The following MYO16 variants were observed in gnomAD, a reference collection of about 807,000 sequenced individuals.
The protein encoded by MYO16 is unconventional myosin-XVI.
Under a neutral mutation model 205.3 loss-of-function variants are expected in MYO16, and 94 were observed. The ratio of observed to expected loss-of-function variants is 0.46; its 90% CI spans 0.39 to 0.54. The LOEUF is 0.54. MYO16 is among the 20% of genes least tolerant of loss of function. The pLI is 0.00. For synonymous variants in MYO16, 988 were observed against 954.0 expected (o/e 1.04, Z -0.66); for missense variants, 2,315 against 2,387.5 (o/e 0.97, Z 0.63).
At chr13:108,607,332 A>C (rs1878996335) in intron 1 of MYO16, among the ~76,000 whole-genome samples, 1 of 152,152 alleles carries the variant, frequency 6.6e-6, no homozygotes, top group African/African-American at 2.4e-5. Context: ...CTCATCTTGA[A>C]TTTTAACCTG....
intron 34 of MYO16, among the ~76,000 whole-genome samples, chr13:109,184,081 G>C (rs1411576647): frequency 6.6e-6 from 1 of 152,090 alleles, no homozygotes; most frequent in Non-Finnish European, 1.5e-5. Flanking sequence ...TTGTGTGTTA[G>C]ATAAAATAAT....
Position 109,055,504 on chromosome 13 carries a change from G to A in MYO16, c.3244G>A (p.Ala1082Thr), listed in dbSNP as rs1422492183. 9 of 1,613,070 alleles carry A rather than the reference G, an allele frequency of 5.6e-6. No homozygotes were observed. The highest frequency in any genetic ancestry group is 1.1e-5 in the South Asian group (1 of 91,058). The change falls in exon 27 of 35, where the codon GCT (alanine) becomes ACT (threonine). Residue 1082 changes from alanine to threonine, a missense_variant. Coordinates refer to ENST00000457511, the MANE Select transcript of MYO16 (RefSeq NM_001198950.3). This position sits in a 1 kb window ranked among gnomAD's most constrained non-coding sequence, Gnocchi z 5.0. ...TACTTTTGATAATTTTTACGTGTCT[G>A]CTCAGCTACAATATATTGGGGTCCT... is the stretch of plus-strand genomic sequence containing the variant. ...PDTFDNFYVS[A>T]QLQYIGVLEM... is the part of the protein sequence containing the mutation.
intron 16 of MYO16, among the ~76,000 whole-genome samples, chr13:108,955,599 A>T (rs568951094): frequency 6.6e-6 from 1 of 152,296 alleles, no homozygotes; most frequent in African/African-American, 2.4e-5. Context: ...TCATGCCTGT[A>T]AACCCAGCAT....
intron 9 of MYO16, 131 bp from the exon 10 acceptor site, chr13:108,844,212 C>T (rs1253379494): frequency 9.1e-5 from 55 of 606,950 alleles, no homozygotes; most frequent in South Asian, 5.5e-4. Context: ...AATTTTTTTC[C>T]TGCAGTTTAT....
At chr13:109,189,825 T>A (rs991160436) in intron 34 of MYO16, among the ~76,000 whole-genome samples, 1 of 152,210 alleles carries the variant, frequency 6.6e-6, no homozygotes, top group African/African-American at 2.4e-5. Flanking sequence ...TCATTTAGAG[T>A]AGGCCCAAGA....
chr13:109,168,794 A>T (rs1190949771), intron 33 of MYO16, among the ~76,000 whole-genome samples: 1 of 152,210 alleles, frequency 6.6e-6, no homozygotes, highest in African/African-American at 2.4e-5. Flanking sequence ...ATAAATTAAA[A>T]AGCAAAATAT....
chr13:108,532,350 A>G, the MYO16 span, among the ~76,000 whole-genome samples: 1 of 151,996 alleles, frequency 6.6e-6, no homozygotes, highest in Non-Finnish European at 1.5e-5. Flanking sequence ...ACAACATGGA[A>G]TTTATTGGTT....
intron 4 of MYO16, among the ~76,000 whole-genome samples, chr13:108,738,173 G>A (rs2053009672): frequency 6.7e-5 from 2 of 29,962 alleles, no homozygotes; most frequent in Admixed American, 1.0e-3. Context: ...CTTGCGTTCT[G>A]CTAGCTTTTG....
At chr13:108,733,506 A>G (rs1255767481) in intron 4 of MYO16, among the ~76,000 whole-genome samples, 1 of 152,082 alleles carries the variant, frequency 6.6e-6, no homozygotes, top group Non-Finnish European at 1.5e-5. Flanking sequence ...ACCCCTGACC[A>G]CTCTGATCTG....
intron 24 of MYO16, chr13:109,048,404 G>T: frequency 1.4e-6 from 1 of 699,380 alleles, no homozygotes. Flanking sequence ...TACAGGAGGT[G>T]TCAGATTTTT....
intron 1 of MYO16, among the ~76,000 whole-genome samples, chr13:108,651,516 C>T (rs1009867052): frequency 6.6e-6 from 1 of 152,072 alleles, no homozygotes; most frequent in South Asian, 2.1e-4. Flanking sequence ...AGTAAATATA[C>T]CTTACATTAT....
chr13:109,161,295 A>T (rs78310628), intron 32 of MYO16, among the ~76,000 whole-genome samples: 2,785 of 152,316 alleles, frequency 0.018, 76 homozygotes, highest in African/African-American at 0.06. Flanking sequence ...TATCCTTTAC[A>T]TCAACAAATG....
rs1889049038 is a variant in MYO16, at chr13:109,104,007, C to T, written c.3438+3120C>T. 2.0e-5 allele frequency among the ~76,000 whole-genome samples: 3 copies of T among 152,084 alleles called. No homozygotes were observed. The South Asian group carries it at 6.2e-4, about 32-fold the overall frequency. On this transcript the variant is annotated intron_variant, in intron 28 of 34. Coordinates refer to ENST00000457511, the MANE Select transcript of MYO16 (RefSeq NM_001198950.3). ...ATGCAGAAAAGGAAAGTAGACAGCA[C>T]GTACAGGAGTGACCTTATTTTAGAT...
chr13:109,084,817 A>C (rs1888389510), intron 27 of MYO16, among the ~76,000 whole-genome samples: 1 of 151,942 alleles, frequency 6.6e-6, no homozygotes, highest in South Asian at 2.1e-4. Context: ...CTTTGGGGAT[A>C]AAAATATGGA....
In MYO16 at chr13:109,023,678, TATATATAC is replaced by T. The variant is rs1446202499; in HGVS notation, c.2796+3775_2796+3782del. Among the ~76,000 whole-genome samples, 223 of 112,556 alleles carry T rather than the reference TATATATAC, an allele frequency of 2.0e-3. 10 individuals are homozygous for T. In the South Asian group the frequency reaches 0.053, roughly 27 times the overall value. The allele number at this position is 112,556 out of a possible 152,430, so 73.8% of individuals were successfully genotyped here. On this transcript the variant is annotated intron_variant, in intron 23 of 34. Transcript: ENST00000457511. The stretch of plus-strand genomic sequence containing the variant: ...ATATATGTATATATGCAAATATATG[TATATATAC>T]ATATATATGTATATATGTATATATA...
rs1389496811 is a variant in MYO16, at chr13:109,140,371, G to A, written c.4159G>A (p.Glu1387Lys). 6.2e-7 allele frequency: 1 copy of A among 1,601,478 alleles called. No homozygotes were observed. Among genetic ancestry groups the A allele is most frequent in the East Asian group, 2.2e-5 (1 of 44,478 alleles). ...PNTKLSGSYE[E>K]ISGSRPGDAR... ...CACCAAGCTCAGCGGCTCCTACGAG[G>A]AGATATCGGGGTCCCGGCCCGGGGA... Residue 1387 changes from glutamate (E) to lysine (K), a missense_variant, in exon 32 of 35, where the codon GAG becomes AAG. Transcript: ENST00000457511. This position sits in a 1 kb window ranked among gnomAD's most constrained non-coding sequence, Gnocchi z 8.0.
At chr13:108,664,968 T>C (rs1881660747) in intron 1 of MYO16, among the ~76,000 whole-genome samples, 1 of 152,226 alleles carries the variant, frequency 6.6e-6, no homozygotes. Context: ...AATATCTCTG[T>C]GCCAACCCTC....
chr13:109,021,463 C>G (rs534290841), intron 23 of MYO16, among the ~76,000 whole-genome samples: 1 of 152,170 alleles, frequency 6.6e-6, no homozygotes, highest in African/African-American at 2.4e-5. Flanking sequence ...CGGAGGCTCA[C>G]CAGCTAACAC....
intron 10 of MYO16, among the ~76,000 whole-genome samples, chr13:108,846,784 AT>A (rs1169267584): frequency 6.6e-6 from 1 of 152,084 alleles, no homozygotes; most frequent in Non-Finnish European, 1.5e-5. Flanking sequence ...GTTTTGAAGT[AT>A]TTTTTCTTAA....
Sources: gnomAD v4.1 joint callset for allele counts (sites outside exome capture counted in the v4.1 genomes callset) on GRCh38, gnomAD v4.1.1 for gene constraint, Gnocchi (gnomAD v3.1) non-coding constraint, MANE v1.5 for transcripts, NCBI Gene and HGNC (gene_info 2026-07-23, HGNC 2026-07-21) for gene names.